The following USP34 variants were observed in gnomAD, a reference collection of about 807,000 sequenced individuals.
USP34 encodes ubiquitin carboxyl-terminal hydrolase 34.
USP34 carries 70 observed loss-of-function variants against 460.3 expected under a neutral mutation model. The observed-to-expected ratio is 0.15, with a 90% CI of 0.13 to 0.19. The LOEUF is 0.19. Among genes scored for constraint, USP34 ranks in the 10% least tolerant of loss-of-function variants. USP34 has a pLI of 1.00. For missense variants in USP34, 3,985 were observed against 4,236.2 expected (o/e 0.94, Z 1.65); for synonymous variants, 1,647 against 1,405.3 (o/e 1.17, Z -3.85).
At chr2:61,201,205 T>A (rs1024639728) in intron 75 of USP34, among the ~76,000 whole-genome samples, 1 of 147,888 alleles carries the variant, frequency 6.8e-6, no homozygotes, top group Admixed American at 6.9e-5. Flanking sequence ...TCCATCCTCA[T>A]AGAAAGTTTT....
At chr2:61,355,738 A>G (rs1479577208) in intron 10 of USP34, among the ~76,000 whole-genome samples, 1 of 152,186 alleles carries the variant, frequency 6.6e-6, no homozygotes, top group East Asian at 1.9e-4. Context: ...AAAAGGCAAA[A>G]TAACACAAGT....
At position 61,421,633 on chromosome 2, in the gene USP34, C is replaced by T. The variant is rs1487438217; in HGVS notation, c.44-800G>A. ...TTTCTTTATATATTGCTAGTGTCTT[C>T]TCTTTAATCCCAAGAAATCTTGCCT... On this transcript the variant is annotated intron_variant, in intron 1 of 79. Coordinates refer to ENST00000398571, the MANE Select transcript of USP34 (RefSeq NM_014709.4). Among the ~76,000 whole-genome samples the T allele has an allele frequency of 2.6e-5, 4 of 152,288 alleles. No individual in the cohort carries two copies. The East Asian group carries it at 7.7e-4, about 29-fold the overall frequency.
intron 10 of USP34, among the ~76,000 whole-genome samples, chr2:61,364,086 T>C (rs1430866908): frequency 1.3e-5 from 2 of 152,158 alleles, no homozygotes; most frequent in East Asian, 3.8e-4. Context: ...GATGACAGAA[T>C]GTAAAACAGC....
At chr2:61,195,403 G>C (rs1342892039) in intron 75 of USP34, among the ~76,000 whole-genome samples, 4 of 149,658 alleles carry the variant, frequency 2.7e-5, no homozygotes, top group African/African-American at 9.9e-5. Context: ...GCTGGGCATA[G>C]TGGCTCATGC....
chr2:61,225,060 G>C (rs768840172), intron 62 of USP34, among the ~76,000 whole-genome samples: 18 of 152,112 alleles, frequency 1.2e-4, no homozygotes, highest in Non-Finnish European at 1.6e-4. Context: ...GGGTTGTACA[G>C]GGTTTCCAGG....
chr2:61,265,612 T>A, intron 42 of USP34, 55 bp from the exon 43 acceptor site: 2 of 1,536,326 alleles, frequency 1.3e-6, no homozygotes, highest in Non-Finnish European at 1.8e-6. Context: ...TGAAACACAA[T>A]GTATTTTGCT....
intron 6 of USP34, 107 bp from the exon 7 acceptor site, chr2:61,380,468 A>G: frequency 8.6e-7 from 1 of 1,163,346 alleles, no homozygotes; most frequent in South Asian, 1.7e-5. Context: ...TTTTGTGTCC[A>G]AAACCCACAA....
chr2:61,276,357 T>C (rs1689371831), intron 41 of USP34, among the ~76,000 whole-genome samples: 1 of 152,192 alleles, frequency 6.6e-6, no homozygotes, highest in Non-Finnish European at 1.5e-5. Context: ...ATGTCAAAGA[T>C]TTAAATTATT....
intron 41 of USP34, among the ~76,000 whole-genome samples, chr2:61,270,587 C>T (rs531309904): frequency 1.3e-5 from 2 of 152,210 alleles, no homozygotes; most frequent in South Asian, 2.1e-4. Flanking sequence ...GGGTATGCAC[C>T]GCCATGCCTG....
intron 16 of USP34, among the ~76,000 whole-genome samples, chr2:61,343,060 T>C (rs1329437199): frequency 6.6e-6 from 1 of 152,200 alleles, no homozygotes; most frequent in Non-Finnish European, 1.5e-5. Context: ...CAAGTTGTGT[T>C]TCTAAGTGTG....
intron 53 of USP34, among the ~76,000 whole-genome samples, chr2:61,240,265 G>A (rs1332370994): frequency 6.6e-6 from 1 of 151,846 alleles, no homozygotes; most frequent in Non-Finnish European, 1.5e-5. Context: ...AACTACAAAT[G>A]AACACATTTG....
intron 10 of USP34, among the ~76,000 whole-genome samples, chr2:61,363,059 A>T (rs1692322249): frequency 6.6e-6 from 1 of 152,230 alleles, no homozygotes; most frequent in Non-Finnish European, 1.5e-5. Flanking sequence ...ATGAACAGAC[A>T]TTTCTCCGAA....
intron 2 of USP34, among the ~76,000 whole-genome samples, chr2:61,411,943 A>G (rs1188702539): frequency 6.6e-6 from 1 of 152,186 alleles, no homozygotes; most frequent in Non-Finnish European, 1.5e-5. Flanking sequence ...AAATCCCAGC[A>G]CTTTGGGAGG....
rs59387275 is a variant in USP34, at chr2:61,283,574, T to TGAGTGAGAGTGA, written c.4833-137_4833-126dup. On this transcript the variant is annotated intron_variant, in intron 35 of 79. Coordinates refer to ENST00000398571, the MANE Select transcript of USP34 (RefSeq NM_014709.4). Reference sequence around the variant, plus strand: ...CCAAAAAAGGAAAGCAGTGGGTGTGTGAGTGAGAGTGAGAGTGAGAGTGAG... The same window carrying TGAGTGAGAGTGA: ...CCAAAAAAGGAAAGCAGTGGGTGTGTGAGTGAGAGTGAGAGTGAGAGTGAGAGTGAGAGTGAG... 1.0e-5 allele frequency: 7 copies of TGAGTGAGAGTGA among 681,578 alleles called. No individual in the cohort carries two copies. The African/African-American group carries it at 1.3e-4, about 13-fold the overall frequency. The allele number at this position is 681,578 out of a possible 1,614,324, so 42.2% of individuals were successfully genotyped here. A position where few individuals can be genotyped will look rare whatever the true frequency, so the allele number is the denominator to read the frequency against.
intron 2 of USP34, among the ~76,000 whole-genome samples, chr2:61,415,085 A>C (rs1478406035): frequency 6.6e-6 from 1 of 152,126 alleles, no homozygotes; most frequent in Non-Finnish European, 1.5e-5. Flanking sequence ...CAGGGCGTGG[A>C]ATCTTAGGGT....
chr2:61,321,345 C>T (rs866187318), intron 21 of USP34, among the ~76,000 whole-genome samples: 11 of 152,164 alleles, frequency 7.2e-5, no homozygotes, highest in Middle Eastern at 3.4e-3. Flanking sequence ...GTGGCACATG[C>T]CTGTAGTCCC....
At chr2:61,394,377 T>C (rs1015795161) in intron 5 of USP34, among the ~76,000 whole-genome samples, 6 of 151,686 alleles carry the variant, frequency 4.0e-5, no homozygotes, top group Admixed American at 1.3e-4. Context: ...CTGGGCAACA[T>C]GGTAAAACTC....
chr2:61,322,165 G>A (rs541578133), intron 21 of USP34, among the ~76,000 whole-genome samples: 245 of 152,296 alleles, frequency 1.6e-3, no homozygotes, highest in African/African-American at 5.7e-3. Flanking sequence ...GGGAGGTGGA[G>A]GTTGCGGTGA....
In USP34 at chr2:61,380,324, T is replaced by C; in HGVS notation, c.859A>G (p.Ser287Gly). ...CKLSDQELRQ[S>G]AARNMADLMW... ...AAGTCAGCCATGTTACGAGCTGCAC[T>C]CTGTCGTAACTCCTGATCCGAGAGC... The change falls in exon 7 of 80, where the codon AGT becomes GGT. Residue 287 changes from serine (S) to glycine (G), a missense_variant. This residue lies in a region of USP34 where 70 missense variants were observed against 109.5 expected (regional missense o/e 0.64). Transcript: ENST00000398571. The C allele has an allele frequency of 6.2e-7, 1 of 1,613,778 alleles. No homozygotes were observed. Among genetic ancestry groups the C allele is most frequent in the Non-Finnish European group, 8.5e-7 (1 of 1,179,754 alleles).
Sources: gnomAD v4.1 joint callset for allele counts (sites outside exome capture counted in the v4.1 genomes callset) on GRCh38, gnomAD v4.1.1 for gene constraint, gnomAD v4.1.1 regional missense constraint, MANE v1.5 for transcripts, NCBI Gene and HGNC (gene_info 2026-07-23, HGNC 2026-07-21) for gene names.